TMEM223: variants seen among roughly 807,000 people sequenced by gnomAD.
TMEM223 encodes the protein transmembrane protein 223.
TMEM223 carries 14 observed loss-of-function variants against 14.1 expected under a neutral mutation model. The ratio of observed to expected loss-of-function variants is 0.99; its 90% CI spans 0.66 to 1.55. TMEM223 has a LOEUF of 1.55. Ranked by LOEUF, TMEM223 falls within the 40% of genes most tolerant of loss-of-function variation. The probability of loss-of-function intolerance (pLI) is 0.00; values close to 1 mark genes in which losing one functional copy is unlikely to be tolerated. For missense variants in TMEM223, 346 were observed against 269.9 expected, an observed-to-expected ratio of 1.28 and a Z score of -1.97; for synonymous variants, 145 against 120.5, an observed-to-expected ratio of 1.20 and a Z score of -1.33.
rs368988754 is a variant in TMEM223 at position 62,791,778 on chromosome 11, G to A, written c.217C>T (p.Pro73Ser). ...AVAAVSRPPV[P>S]VQPLDAEVPN... ...ACCTCCGCATCCAGAGGCTGCACCG[G>A]AACCGGGGGCCGGGACACGGCTGCC... The change falls in exon 1 of 2, where the codon CCG becomes TCG. Residue 73 changes from proline (P) to serine (S), a missense_variant. Coordinates refer to ENST00000307366, the MANE Select transcript of TMEM223 (RefSeq NM_001080501.3). 19 of 1,568,128 alleles carry A rather than the reference G, an allele frequency of 1.2e-5. No homozygotes were observed. In the African/African-American group the frequency reaches 2.6e-4, roughly 21 times the overall value.
intron 1 of TMEM223, among the ~76,000 whole-genome samples, chr11:62,780,667 C>A (rs908056728): frequency 1.3e-5 from 2 of 152,102 alleles, no homozygotes; most frequent in African/African-American, 4.8e-5. Context: ...CGGTGGTTCA[C>A]GCCTGTAATC....
chr11:62,782,394 G>A (rs1295052428), intron 1 of TMEM223: 4 of 1,547,762 alleles, frequency 2.6e-6, no homozygotes, highest in Non-Finnish European at 3.5e-6. Flanking sequence ...GTTGGGGTAA[G>A]GAAATGGGGC....
chr11:62,789,479 G>T (rs1265502903), downstream of TMEM223: 10 of 1,611,318 alleles, frequency 6.2e-6, no homozygotes, highest in African/African-American at 1.2e-4. Flanking sequence ...TCCCTCTGCA[G>T]CGGGGTCCTA....
Position 62,790,926 on chromosome 11 carries a change from G to C in TMEM223, c.317-11C>G. 6.4e-7 allele frequency: 1 copy of C among 1,551,146 alleles called. No individual in the cohort carries two copies. The highest frequency in any genetic ancestry group is 8.7e-7 in the Non-Finnish European group (1 of 1,144,242). On this transcript the variant is annotated splice_polypyrimidine_tract_variant and intron_variant, in intron 1 of 1. Coordinates refer to ENST00000307366, the MANE Select transcript of TMEM223 (RefSeq NM_001080501.3). ...CGAGTACGAGGGCTCCTGCAGGCAGGGCAGAGATTGGGGTGAGGGGTTTTC... is the reference window on the plus strand; with the variant it reads ...CGAGTACGAGGGCTCCTGCAGGCAGCGCAGAGATTGGGGTGAGGGGTTTTC...
downstream of TMEM223, among the ~76,000 whole-genome samples, chr11:62,788,151 C>T (rs2084310819): frequency 6.6e-6 from 1 of 152,208 alleles, no homozygotes; most frequent in Admixed American, 6.5e-5. Context: ...GCCTGTAATC[C>T]CAGCACTTTG....
intron 1 of TMEM223, among the ~76,000 whole-genome samples, chr11:62,777,158 C>A (rs1322545411): frequency 2.0e-5 from 3 of 147,146 alleles, no homozygotes; most frequent in Admixed American, 6.8e-5. Flanking sequence ...AAAAAAAAAA[C>A]AACCAAAAAA....
downstream of TMEM223, chr11:62,786,793 T>C: frequency 6.2e-7 from 1 of 1,610,812 alleles, no homozygotes; most frequent in Non-Finnish European, 8.5e-7. Context: ...GGCCACACGC[T>C]TTGGCACCGG....
chr11:62,778,341 G>C, intron 1 of TMEM223: 4 of 1,614,134 alleles, frequency 2.5e-6, no homozygotes, highest in Non-Finnish European at 3.4e-6. Flanking sequence ...ATCGGGTAAG[G>C]GGTGATGTAG....
At chr11:62,779,966 A>AT (rs1251987695) in intron 1 of TMEM223, among the ~76,000 whole-genome samples, 8 of 67,814 alleles carry the variant, frequency 1.2e-4, no homozygotes, top group African/African-American at 3.5e-4. Flanking sequence ...ATATATATAT[A>AT]TATATATATA....
At chr11:62,789,056 G>T (rs757896317), downstream of TMEM223, 2 of 1,614,134 alleles carry the variant, frequency 1.2e-6, no homozygotes, top group African/African-American at 2.7e-5. Flanking sequence ...CCTGTATGGT[G>T]TGGCCACCCT....
chr11:62,789,483 G>C (rs764298984), downstream of TMEM223: 7 of 1,609,838 alleles, frequency 4.3e-6, no homozygotes, highest in Non-Finnish European at 5.9e-6. Context: ...TCTGCAGCGG[G>C]GTCCTATAAT....
downstream of TMEM223, chr11:62,786,933 C>G (rs757448290): frequency 6.8e-7 from 1 of 1,476,668 alleles, no homozygotes; most frequent in South Asian, 1.3e-5. Flanking sequence ...ACGAGAGCCC[C>G]CGGGGCAGCG....
chr11:62,782,344 G>A, intron 1 of TMEM223: 1 of 1,611,740 alleles, frequency 6.2e-7, no homozygotes, highest in Non-Finnish European at 8.5e-7. Context: ...GTAGCCACTG[G>A]GCCTAAACCT....
At chr11:62,773,152 A>T (rs1403648061) in intron 2 of TMEM223, among the ~76,000 whole-genome samples, 6 of 115,230 alleles carry the variant, frequency 5.2e-5, no homozygotes, top group African/African-American at 1.3e-4. Flanking sequence ...ATAATTACAA[A>T]TTTTTTTTTT....
chr11:62,786,918 C>T (rs751757058), downstream of TMEM223: 5 of 1,495,548 alleles, frequency 3.3e-6, no homozygotes, highest in African/African-American at 5.8e-5. Flanking sequence ...TCAGCCCGCA[C>T]GGCGACGAGA....
chr11:62,779,497 A>G (rs2084211443), intron 1 of TMEM223, among the ~76,000 whole-genome samples: 1 of 151,646 alleles, frequency 6.6e-6, no homozygotes, highest in Non-Finnish European at 1.5e-5. Flanking sequence ...GCCCAGCCTT[A>G]TATTTTTAAT....
downstream of TMEM223, chr11:62,786,930 C>G: frequency 6.8e-7 from 1 of 1,477,334 alleles, no homozygotes; most frequent in Non-Finnish European, 8.9e-7. Flanking sequence ...GCGACGAGAG[C>G]CCCCGGGGCA....
Position 62,791,734 on chromosome 11 carries a change from G to A in TMEM223, c.261C>T (p.Phe87=), listed in dbSNP as rs2134749531. 1 of 1,559,104 alleles carries A rather than the reference G, an allele frequency of 6.4e-7. No individual in the cohort carries two copies. The highest frequency in any genetic ancestry group is 1.2e-5 in the South Asian group (1 of 84,654). ...LDAEVPNRGP[F]DLRSALWRYG... is the part of the protein sequence containing the mutation. ...AGCGCCAGAGCGCGGAGCGCAGGTC[G>A]AAGGGGCCACGATTTGGGACCTCCG... is the stretch of plus-strand genomic sequence containing the variant. Residue 87 remains phenylalanine (F), a synonymous_variant, in exon 1 of 2, where the codon TTC becomes TTT. Transcript: ENST00000307366.
In TMEM223 at chr11:62,791,710, G is replaced by A. The variant is rs1297897034; in HGVS notation, c.285C>T (p.Arg95=). 7 of 1,549,530 alleles carry A rather than the reference G, an allele frequency of 4.5e-6. No individual in the cohort carries two copies. Among genetic ancestry groups the A allele is most frequent in the Non-Finnish European group, 6.1e-6 (7 of 1,146,702 alleles). Residue 95 remains arginine (R), a synonymous_variant, in exon 1 of 2, where the codon CGC becomes CGT. Coordinates refer to ENST00000307366, the MANE Select transcript of TMEM223 (RefSeq NM_001080501.3). ...CGCCGCAGCCGACGGCCAGACCGTA[G>A]CGCCAGAGCGCGGAGCGCAGGTCGA... The part of the protein sequence containing the change: ...GPFDLRSALW[R]YGLAVGCGAI...
Sources: allele counts gnomAD v4.1 joint callset (sites outside exome capture counted in the v4.1 genomes callset), GRCh38; gene constraint gnomAD v4.1.1; transcripts MANE v1.5; gene names NCBI Gene and HGNC (gene_info 2026-07-23, HGNC 2026-07-21).